The following NHS variants were observed in gnomAD, a reference collection of about 807,000 sequenced individuals.
NHS encodes the protein NHS actin remodeling regulator.
A neutral mutation model predicts 72.5 loss-of-function variants in NHS; 5 were observed. The ratio of observed to expected loss-of-function variants is 0.07; its 90% CI spans 0.04 to 0.14. NHS has a LOEUF of 0.14. Ranked by LOEUF, NHS falls within the 10% of genes least tolerant of loss-of-function variation. The pLI, the probability that NHS is intolerant of heterozygous loss-of-function variation, is 1.00. For synonymous variants in NHS, 464 were observed against 547.7 expected (o/e 0.85, Z 2.13); for missense variants, 1,072 against 1,355.7 (o/e 0.79, Z 3.29).
intron 1 of NHS, among the ~76,000 whole-genome samples, chrX:17,610,787 C>T (rs2065707215): frequency 1.8e-5 from 2 of 112,292 alleles, no homozygotes; most frequent in African/African-American, 6.5e-5. Flanking sequence ...TTTATTCCCC[C>T]TTGTCTGGGC....
At chrX:17,618,933 A>G (rs943219412) in intron 1 of NHS, among the ~76,000 whole-genome samples, 5 of 112,149 alleles carry the variant, frequency 4.5e-5, no homozygotes, top group Non-Finnish European at 9.4e-5. Context: ...CTACAGATCT[A>G]TTTTCACAAA....
chrX:17,399,624 T>A (rs1439223486), intron 1 of NHS, among the ~76,000 whole-genome samples: 1 of 111,663 alleles, frequency 9.0e-6, no homozygotes, highest in Non-Finnish European at 1.9e-5. Context: ...GTTGAGTGAC[T>A]CTTACGTATC....
intron 1 of NHS, among the ~76,000 whole-genome samples, chrX:17,615,161 CTATATATATACGTATATATATA>C (rs2065734739): frequency 5.1e-5 from 2 of 39,253 alleles, no homozygotes; most frequent in South Asian, 6.0e-3. Flanking sequence ...TGTATATATA[CTATATATATACGTATATATATA>C]GTATATATAC....
At chrX:17,529,663 A>G (rs956344430) in intron 1 of NHS, among the ~76,000 whole-genome samples, 5 of 112,145 alleles carry the variant, frequency 4.5e-5, no homozygotes, top group African/African-American at 1.6e-4. Flanking sequence ...CACAGACTCC[A>G]ACTCAAAGTC....
chrX:17,455,983 C>A (rs1240301103), intron 1 of NHS, among the ~76,000 whole-genome samples: 2 of 111,472 alleles, frequency 1.8e-5, no homozygotes, highest in Non-Finnish European at 3.8e-5. Flanking sequence ...TATTTGCAGG[C>A]AAGCAGCCCC....
At chrX:17,517,777 A>G (rs1252969076) in intron 1 of NHS, among the ~76,000 whole-genome samples, 1 of 111,990 alleles carries the variant, frequency 8.9e-6, no homozygotes, top group Non-Finnish European at 1.9e-5. Context: ...AAATCCATTT[A>G]TTTTAATTCA....
chrX:17,544,573 G>T (rs189137685), intron 1 of NHS, among the ~76,000 whole-genome samples: 1 of 111,635 alleles, frequency 9.0e-6, no homozygotes, highest in East Asian at 2.8e-4. Context: ...GTGCAGTGGC[G>T]CGATCTTGGC....
intron 1 of NHS, among the ~76,000 whole-genome samples, chrX:17,492,374 C>T (rs1347371274): frequency 1.8e-5 from 2 of 111,924 alleles, no homozygotes; most frequent in East Asian, 5.6e-4. Context: ...TTTATTTCTG[C>T]CTTAATTTCG....
intron 1 of NHS, among the ~76,000 whole-genome samples, chrX:17,646,020 C>T (rs190804665): frequency 3.3e-3 from 373 of 111,782 alleles, no homozygotes; most frequent in African/African-American, 0.011. Context: ...ACCGTGATCA[C>T]GGCTCACTGC....
intron 1 of NHS, among the ~76,000 whole-genome samples, chrX:17,598,260 C>T (rs918668348): frequency 8.9e-6 from 1 of 111,761 alleles, no homozygotes; most frequent in Non-Finnish European, 1.9e-5. Context: ...GACCAATGCC[C>T]GGAGCCTGTT....
At position 17,719,356 on chromosome X, in the gene NHS, C is replaced by T. The variant is rs1338344159; in HGVS notation, c.865C>T (p.Arg289Cys). 13 of 1,164,566 alleles carry T rather than the reference C, an allele frequency of 1.1e-5. No individual in the cohort carries two copies. Among genetic ancestry groups the T allele is most frequent in the African/African-American group, 7.2e-5 (4 of 55,410 alleles). Residue 289 changes from arginine to cysteine, a missense_variant, in exon 4 of 9, where the codon CGT becomes TGT. Transcript: ENST00000676302. ...TTCATGTTCATAGTTTAACAGCACCCGTTCGCCCTCCCCCACTGAATGTTG... is the reference window on the plus strand; with the variant it reads ...TTCATGTTCATAGTTTAACAGCACCTGTTCGCCCTCCCCCACTGAATGTTG... Reference protein sequence around the residue: ...DRHFLTFNSTRSPSPTECCHM... With the variant: ...DRHFLTFNSTCSPSPTECCHM...
intron 1 of NHS, among the ~76,000 whole-genome samples, chrX:17,552,891 G>A (rs765282651): frequency 2.9e-4 from 33 of 112,913 alleles, no homozygotes; most frequent in Non-Finnish European, 4.3e-4. Flanking sequence ...GGTGATCCAC[G>A]TGCACATTAG....
At chrX:17,550,398 G>A (rs1213832735) in intron 1 of NHS, among the ~76,000 whole-genome samples, 2 of 112,346 alleles carry the variant, frequency 1.8e-5, no homozygotes, top group Non-Finnish European at 3.8e-5. Flanking sequence ...TGGCACTATG[G>A]TGTTGCAGCA....
Position 17,725,752 on chromosome X carries a change from C to T in NHS, c.1646C>T (p.Pro549Leu). 8.3e-7 allele frequency: 1 copy of T among 1,211,480 alleles called. No homozygotes were observed. Among genetic ancestry groups the T allele is most frequent in the South Asian group, 1.8e-5 (1 of 56,942 alleles). ...ACCCCTAATGATTTCAGTGAGGCTC[C>T]AAGCAGCCCGAGTGCCCAGGACCAC... ...ERTPNDFSEA[P>L]SSPSAQDHQP... Residue 549 changes from proline to leucine, a missense_variant, in exon 7 of 9, where the codon CCA becomes CTA. Pro to Leu is a moderately conservative substitution (Grantham distance 98). Transcript: ENST00000676302.
At chrX:17,495,603 T>C (rs865820306) in intron 1 of NHS, among the ~76,000 whole-genome samples, 5 of 111,942 alleles carry the variant, frequency 4.5e-5, no homozygotes, top group Non-Finnish European at 7.5e-5. Flanking sequence ...TCCAGTATTA[T>C]GCTCCTAGGC....
In NHS at chrX:17,379,541, G is replaced by A. The variant is rs746272929; in HGVS notation, c.565+3219G>A. 1.7e-4 allele frequency among the ~76,000 whole-genome samples: 19 copies of A among 112,152 alleles called. 1 individual carries two copies. The East Asian group carries it at 4.2e-3, about 25-fold the overall frequency. ...TGTAATCCCAGCACTTTGGGAGGCC[G>A]AGGCGGGCAGATCGCCTGAGGTCAG... is the stretch of plus-strand genomic sequence containing the variant. On this transcript the variant is annotated intron_variant, in intron 1 of 8. Coordinates refer to ENST00000676302, the MANE Select transcript of NHS (RefSeq NM_001291867.2).
chrX:17,604,806 T>C (rs1479926030), intron 1 of NHS, among the ~76,000 whole-genome samples: 1 of 112,042 alleles, frequency 8.9e-6, no homozygotes, highest in Non-Finnish European at 1.9e-5. Flanking sequence ...GGACCCAGGG[T>C]CATATGAGAA....
chrX:17,415,842 A>T (rs745499097), intron 1 of NHS, among the ~76,000 whole-genome samples: 6 of 111,890 alleles, frequency 5.4e-5, no homozygotes, highest in Admixed American at 9.5e-5. Flanking sequence ...GACCACAAGC[A>T]TAAAAGCTGG....
intron 1 of NHS, among the ~76,000 whole-genome samples, chrX:17,538,690 G>C (rs1020940392): frequency 2.7e-5 from 3 of 112,129 alleles, no homozygotes; most frequent in Non-Finnish European, 3.8e-5. Flanking sequence ...TCACCGGATA[G>C]ATTTCTGGTC....
Sources: gnomAD v4.1 joint callset for allele counts (sites outside exome capture counted in the v4.1 genomes callset) on GRCh38, gnomAD v4.1.1 for gene constraint, MANE v1.5 for transcripts, NCBI Gene and HGNC (gene_info 2026-07-23, HGNC 2026-07-21) for gene names.